APBB2: variants seen among roughly 807,000 people sequenced by gnomAD.
APBB2 encodes the protein Fe65-like 1.
Under a neutral mutation model 82.5 loss-of-function variants are expected in APBB2, and 38 were observed. The observed-to-expected ratio is 0.46, with a 90% CI of 0.36 to 0.60. The LOEUF is 0.60. Among genes scored for constraint, APBB2 ranks in the 20% least tolerant of loss-of-function variants. The pLI is 0.00. For missense variants in APBB2, 772 were observed against 972.3 expected, an observed-to-expected ratio of 0.79 and a Z score of 2.74; for synonymous variants, 341 against 368.2, an observed-to-expected ratio of 0.93 and a Z score of 0.85.
At position 40,914,246 on chromosome 4, in the gene APBB2, G is replaced by A. The variant is rs1340120525; in HGVS notation, c.1254+20210C>T. Among the ~76,000 whole-genome samples the A allele has an allele frequency of 2.0e-5, 3 of 152,068 alleles. No individual in the cohort carries two copies. In the East Asian group the frequency reaches 5.8e-4, roughly 29 times the overall value. On this transcript the variant is annotated intron_variant, in intron 10 of 17. Transcript: ENST00000508593. ...AAATTAGCCAGGCATGGTGGCAGGC[G>A]CCTATAGTCCCAGCTACTTGGGAGG...
chr4:41,112,403 G>T (rs1481791508), intron 2 of APBB2, among the ~76,000 whole-genome samples: 1 of 152,130 alleles, frequency 6.6e-6, no homozygotes, highest in Non-Finnish European at 1.5e-5. Flanking sequence ...CCAAAAAGAA[G>T]GCACCCAACC....
At chr4:41,147,049 T>C (rs746992819) in intron 1 of APBB2, among the ~76,000 whole-genome samples, 3 of 151,698 alleles carry the variant, frequency 2.0e-5, no homozygotes, top group Non-Finnish European at 4.4e-5. Context: ...GGCAACACAA[T>C]GTCAGCAGTT....
intron 12 of APBB2, among the ~76,000 whole-genome samples, chr4:40,887,805 C>T (rs1304192663): frequency 1.3e-5 from 2 of 152,120 alleles, no homozygotes; most frequent in Non-Finnish European, 2.9e-5. Flanking sequence ...GAACCCTGAG[C>T]GTATTTCGAA....
intron 10 of APBB2, among the ~76,000 whole-genome samples, chr4:40,913,424 C>T (rs28702025): frequency 0.29 from 43,556 of 152,142 alleles, 6,437 homozygotes; most frequent in Middle Eastern, 0.39. Context: ...TGTGCCTTTG[C>T]ACATGAGTCC....
rs1757417049 is a variant in APBB2 at position 41,135,879 on chromosome 4, C to T, written c.-261+7108G>A. On this transcript the variant is annotated intron_variant, in intron 2 of 17. Coordinates refer to ENST00000508593, the MANE Select transcript of APBB2 (RefSeq NM_004307.2). Reference sequence around the variant, plus strand: ...AGGATCTGGGTCTTGCTATGTTGCCCATGCTGGTCTCAAGCTCCTGGGCTC... The same window carrying T: ...AGGATCTGGGTCTTGCTATGTTGCCTATGCTGGTCTCAAGCTCCTGGGCTC... 2.6e-5 allele frequency among the ~76,000 whole-genome samples: 4 copies of T among 152,292 alleles called. No homozygotes were observed. In the South Asian group the frequency reaches 8.3e-4, roughly 32 times the overall value.
intron 2 of APBB2, among the ~76,000 whole-genome samples, chr4:41,117,601 T>C (rs1334275544): frequency 2.0e-5 from 3 of 152,150 alleles, no homozygotes; most frequent in East Asian, 1.9e-4. Flanking sequence ...TAGGAATTAT[T>C]ATCATCTTCT....
intron 3 of APBB2, among the ~76,000 whole-genome samples, chr4:41,091,776 A>G (rs1362408273): frequency 6.6e-6 from 1 of 152,182 alleles, no homozygotes; most frequent in Non-Finnish European, 1.5e-5. Context: ...TCTTTGCTCC[A>G]TTGATTATGT....
At position 40,826,080 on chromosome 4, in the gene APBB2, G is replaced by A. The variant is rs182819465; in HGVS notation, c.1733-110C>T. On this transcript the variant is annotated intron_variant, in intron 14 of 17. Coordinates refer to ENST00000508593, the MANE Select transcript of APBB2 (RefSeq NM_004307.2). The surrounding 1 kb of genome is among the most constrained non-coding windows in gnomAD (Gnocchi z 4.5). ...CTCAGGACACGCCCTGTGCCATAAC[G>A]CCCTATGTTTCTGGATGTAAATGTA... 1.2e-4 allele frequency: 99 copies of A among 793,248 alleles called. 1 individual carries two copies. Among genetic ancestry groups the A allele is most frequent in the East Asian group, 3.3e-4 (13 of 39,636 alleles). 49.1% of individuals were successfully genotyped at this position (793,248 alleles called of 1,614,324 possible).
chr4:41,149,208 G>A (rs1761565507), intron 1 of APBB2, among the ~76,000 whole-genome samples: 1 of 151,860 alleles, frequency 6.6e-6, no homozygotes, highest in Admixed American at 6.6e-5. Flanking sequence ...AATTCATCCA[G>A]TAATAACCCC....
At chr4:41,185,300 T>C (rs2154066758) in intron 1 of APBB2, among the ~76,000 whole-genome samples, 1 of 152,358 alleles carries the variant, frequency 6.6e-6, no homozygotes, top group Non-Finnish European at 1.5e-5. Flanking sequence ...ACATTGCTAT[T>C]GATTTCAGAG....
chr4:41,088,448 C>T (rs1016901780), intron 3 of APBB2, among the ~76,000 whole-genome samples: 4 of 152,194 alleles, frequency 2.6e-5, no homozygotes, highest in Admixed American at 6.5e-5. Flanking sequence ...CTATTGCCAT[C>T]GCAGCCCTGT....
At chr4:41,099,143 T>C (rs567544035) in intron 3 of APBB2, among the ~76,000 whole-genome samples, 1 of 152,226 alleles carries the variant, frequency 6.6e-6, no homozygotes, top group African/African-American at 2.4e-5. Context: ...TAGCAGAGAC[T>C]TGACATCCCT....
intron 5 of APBB2, among the ~76,000 whole-genome samples, chr4:41,021,577 A>G (rs62412131): frequency 0.046 from 6,970 of 152,170 alleles, 339 homozygotes; most frequent in African/African-American, 0.12. Flanking sequence ...TCAGCCCTCT[A>G]TGTCTAGCTA....
chr4:41,100,333 T>C (rs1285461864), intron 3 of APBB2, among the ~76,000 whole-genome samples: 1 of 152,236 alleles, frequency 6.6e-6, no homozygotes, highest in African/African-American at 2.4e-5. Flanking sequence ...TCACATCATA[T>C]TACATTGCCT....
At chr4:41,191,659 T>C (rs1237794290) in intron 1 of APBB2, among the ~76,000 whole-genome samples, 1 of 152,010 alleles carries the variant, frequency 6.6e-6, no homozygotes, top group African/African-American at 2.4e-5. Flanking sequence ...CCCGAAACCA[T>C]AAAGACTCCC....
At chr4:41,088,398 G>A (rs1740572437) in intron 3 of APBB2, among the ~76,000 whole-genome samples, 1 of 152,196 alleles carries the variant, frequency 6.6e-6, no homozygotes, top group Non-Finnish European at 1.5e-5. Flanking sequence ...GATTATATGG[G>A]GAGCTTCTGT....
chr4:40,924,088 A>C (rs1196900995), intron 10 of APBB2, among the ~76,000 whole-genome samples: 1 of 152,244 alleles, frequency 6.6e-6, no homozygotes, highest in Non-Finnish European at 1.5e-5. Flanking sequence ...TGCCACGACC[A>C]GCTGTGCAAG....
intron 10 of APBB2, among the ~76,000 whole-genome samples, chr4:40,928,913 C>T (rs976192758): frequency 2.0e-5 from 3 of 149,488 alleles, no homozygotes; most frequent in African/African-American, 4.9e-5. Flanking sequence ...AATGAATGAA[C>T]GAACGAATGA....
At chr4:41,150,171 G>C (rs1486027640) in intron 1 of APBB2, among the ~76,000 whole-genome samples, 1 of 152,108 alleles carries the variant, frequency 6.6e-6, no homozygotes, top group African/African-American at 2.4e-5. Flanking sequence ...AAAAGTATTG[G>C]AATATTTTTA....
Sources: allele counts gnomAD v4.1 joint callset (sites outside exome capture counted in the v4.1 genomes callset), GRCh38; gene constraint gnomAD v4.1.1; non-coding constraint Gnocchi (gnomAD v3.1); transcripts MANE v1.5; gene names NCBI Gene and HGNC (gene_info 2026-07-23, HGNC 2026-07-21).